ATP8B1: variants seen among roughly 807,000 people sequenced by gnomAD.
ATP8B1 encodes the protein ATPase phospholipid transporting 8B1, also known as phospholipid-transporting ATPase IC.
In ATP8B1, 80 loss-of-function variants were observed where a neutral mutation model predicts 149.9. The observed-to-expected ratio is 0.53, with a 90% CI of 0.45 to 0.64. The LOEUF (loss-of-function observed/expected upper bound fraction) is 0.64, where lower values mean the gene tolerates loss of function less well. Among genes scored for constraint, ATP8B1 ranks in the 30% least tolerant of loss-of-function variants. The pLI, the probability that ATP8B1 is intolerant of heterozygous loss-of-function variation, is 0.00. For missense variants in ATP8B1, 1,247 were observed against 1,552.6 expected (o/e 0.80, Z 3.31); for synonymous variants, 536 against 562.8 (o/e 0.95, Z 0.67).
chr18:57,664,352 CA>C (rs1290003818), intron 20 of ATP8B1, among the ~76,000 whole-genome samples: 3 of 151,440 alleles, frequency 2.0e-5, no homozygotes, highest in Non-Finnish European at 2.9e-5. Context: ...ACTAAAAATA[CA>C]AAAATTACCC....
At chr18:57,764,323 TTTTC>T (rs1210873049) in intron 1 of ATP8B1, among the ~76,000 whole-genome samples, 52 of 90,658 alleles carry the variant, frequency 5.7e-4, no homozygotes, top group African/African-American at 1.5e-3. Flanking sequence ...CTTTCTTTCT[TTTTC>T]TTTCTTTCTT....
At chr18:57,730,691 G>A (rs1441015035) in intron 2 of ATP8B1, among the ~76,000 whole-genome samples, 6 of 152,162 alleles carry the variant, frequency 3.9e-5, no homozygotes, top group South Asian at 2.1e-4. Context: ...CAGAGACCAC[G>A]TGGTCCACAA....
At position 57,744,243 on chromosome 18, in the gene ATP8B1, A is replaced by G. The variant is rs543426262; in HGVS notation, c.-25-12411T>C. 1.7e-4 allele frequency among the ~76,000 whole-genome samples: 23 copies of G among 138,616 alleles called. No homozygotes were observed. The East Asian group carries it at 4.8e-3, about 29-fold the overall frequency. The allele number at this position is 138,616 out of a possible 152,430, so 90.9% of individuals were successfully genotyped here. The stretch of plus-strand genomic sequence containing the variant: ...GGCAGGAGAATCGCTTGAACCCGGG[A>G]GGTAGAGGTTGCAGTGAGCCAAGAT... On this transcript the variant is annotated intron_variant, in intron 1 of 27. Transcript: ENST00000648908.
At chr18:57,782,105 G>A (rs1162196986) in intron 1 of ATP8B1, among the ~76,000 whole-genome samples, 2 of 152,254 alleles carry the variant, frequency 1.3e-5, no homozygotes, top group Non-Finnish European at 2.9e-5. Context: ...AAGCACATGG[G>A]AGGCCTCTGC....
At chr18:57,690,795 T>C (rs761838783) in intron 12 of ATP8B1, among the ~76,000 whole-genome samples, 10 of 152,236 alleles carry the variant, frequency 6.6e-5, no homozygotes, top group Non-Finnish European at 1.5e-4. Context: ...AAGAATGAAC[T>C]CTGGCTGCTG....
intron 8 of ATP8B1, 126 bp from the exon 9 acceptor site, chr18:57,695,658 C>G: frequency 1.3e-6 from 1 of 786,994 alleles, no homozygotes; most frequent in Non-Finnish European, 2.2e-6. Context: ...TTTCTATTTT[C>G]AAACTCTGTT....
chr18:57,747,210 T>G (rs2079972677), intron 1 of ATP8B1, among the ~76,000 whole-genome samples: 1 of 152,164 alleles, frequency 6.6e-6, no homozygotes, highest in Admixed American at 6.5e-5. Flanking sequence ...CCCAGCACTT[T>G]GGGAAGCCGA....
intron 1 of ATP8B1, among the ~76,000 whole-genome samples, chr18:57,794,339 C>A (rs2080490353): frequency 6.6e-6 from 1 of 151,710 alleles, no homozygotes. Context: ...GATTTTTATA[C>A]CAGGACACCT....
chr18:57,760,145 C>T (rs1468061865), intron 1 of ATP8B1, among the ~76,000 whole-genome samples: 2 of 151,994 alleles, frequency 1.3e-5, no homozygotes, highest in South Asian at 2.1e-4. Flanking sequence ...ATACAAAGAT[C>T]GGGGGGAAAA....
At chr18:57,765,640 G>C (rs1445597531) in intron 1 of ATP8B1, among the ~76,000 whole-genome samples, 2 of 150,674 alleles carry the variant, frequency 1.3e-5, no homozygotes, top group Non-Finnish European at 2.9e-5. Flanking sequence ...CTGCACTCTA[G>C]CCTGGGTGAC....
intron 20 of ATP8B1, among the ~76,000 whole-genome samples, chr18:57,666,533 GTT>G (rs5825232): frequency 0.33 from 47,746 of 144,152 alleles, 8,171 homozygotes; most frequent in Non-Finnish European, 0.4. Flanking sequence ...GGTGAACCGA[GTT>G]TTTTTTTTTT....
intron 11 of ATP8B1, 136 bp from the exon 12 acceptor site, chr18:57,692,133 T>C: frequency 1.5e-6 from 2 of 1,378,718 alleles, no homozygotes; most frequent in South Asian, 2.9e-5. Context: ...ATATGTCAAA[T>C]AAAAACAGCA....
intron 1 of ATP8B1, among the ~76,000 whole-genome samples, chr18:57,798,275 C>CA (rs942294520): frequency 4.6e-5 from 7 of 151,802 alleles, no homozygotes; most frequent in African/African-American, 1.7e-4. Context: ...AACAAACAAA[C>CA]AAAAAAACCA....
At chr18:57,738,594 G>T (rs370759402) in intron 1 of ATP8B1, among the ~76,000 whole-genome samples, 101 of 151,840 alleles carry the variant, frequency 6.7e-4, no homozygotes, top group African/African-American at 2.2e-3. Flanking sequence ...ACTCCAGCCT[G>T]GGCAACAAGA....
At chr18:57,655,131 C>T (rs1909902279) in intron 23 of ATP8B1, 63 bp downstream of exon 23, 17 of 1,446,678 alleles carry the variant, frequency 1.2e-5, no homozygotes, top group Non-Finnish European at 1.5e-5. Flanking sequence ...CTTTTCAGAA[C>T]TAGATTTTTA....
chr18:57,719,350 G>A (rs183298682), intron 2 of ATP8B1, among the ~76,000 whole-genome samples: 162 of 152,322 alleles, frequency 1.1e-3, no homozygotes, highest in African/African-American at 3.8e-3. Context: ...CTGAGGTACC[G>A]GGTTCATCTC....
intron 3 of ATP8B1, 116 bp downstream of exon 3, chr18:57,706,374 G>C (rs1913393695): frequency 5.1e-6 from 4 of 779,490 alleles, no homozygotes; most frequent in Non-Finnish European, 8.8e-6. Context: ...ATGATTATCA[G>C]TAGCCCCAGG....
intron 20 of ATP8B1, among the ~76,000 whole-genome samples, chr18:57,663,347 G>A (rs1023374839): frequency 6.6e-6 from 1 of 152,116 alleles, no homozygotes; most frequent in Admixed American, 6.6e-5. Flanking sequence ...TGGGCACCTG[G>A]GTTGCGTCCA....
Position 57,648,308 on chromosome 18 carries a change from C to G in ATP8B1, c.*180G>C. Reference sequence around the variant, plus strand: ...GCCGAATAATAGGACTTTTAAAAGTCCTATTTCTTGGCTCTGCTATTGTTT... The same window carrying G: ...GCCGAATAATAGGACTTTTAAAAGTGCTATTTCTTGGCTCTGCTATTGTTT... On this transcript the variant is annotated 3_prime_UTR_variant, in exon 28 of 28. Coordinates refer to ENST00000648908, the MANE Select transcript of ATP8B1 (RefSeq NM_001374385.1). The G allele has an allele frequency of 1.3e-6, 1 of 793,568 alleles. No individual in the cohort carries two copies. The highest frequency in any genetic ancestry group is 2.1e-6 in the Non-Finnish European group (1 of 482,298). The allele number at this position is 793,568 out of a possible 1,614,324, so 49.2% of individuals were successfully genotyped here. A position where few individuals can be genotyped will look rare whatever the true frequency, so the allele number is the denominator to read the frequency against.
Sources: allele counts gnomAD v4.1 joint callset (sites outside exome capture counted in the v4.1 genomes callset), GRCh38; gene constraint gnomAD v4.1.1; transcripts MANE v1.5; gene names NCBI Gene and HGNC (gene_info 2026-07-23, HGNC 2026-07-21).